Variants in NEB observed in about 807,000 individuals in gnomAD.
NEB encodes nemaline myopathy type 2.
Under a neutral mutation model 952.2 loss-of-function variants are expected in NEB, and 512 were observed. The observed-to-expected ratio is 0.54, with a 90% CI of 0.50 to 0.58. NEB has a LOEUF of 0.58. Ranked by LOEUF, NEB falls within the 20% of genes least tolerant of loss-of-function variation. The pLI is 0.00. For missense variants in NEB, 8,428 were observed against 9,231.1 expected, an observed-to-expected ratio of 0.91 and a Z score of 3.56; for synonymous variants, 2,900 against 3,149.8, an observed-to-expected ratio of 0.92 and a Z score of 2.66.
Position 151,513,672 on chromosome 2 carries a change from C to G in NEB, c.23149G>C (p.Glu7717Gln), listed in dbSNP as rs766321668. ...AGGCCTCTTCCTTTGACTTCCAGTT[C>G]CAGGTCTCGCTTATATTCTTTCTAT... Reference protein sequence around the residue: ...LNEKEYKRDLELEVKGRGLNA... With the variant: ...LNEKEYKRDLQLEVKGRGLNA... Residue 7717 changes from glutamate (E) to glutamine (Q), a missense_variant, in exon 160 of 182, where the codon GAA becomes CAA. Glu to Gln is a conservative substitution (Grantham distance 29). Coordinates refer to ENST00000397345, the MANE Select transcript of NEB (RefSeq NM_001164508.2). 161 of 1,604,370 alleles carry G rather than the reference C, an allele frequency of 1.0e-4. 1 individual carries two copies. Among genetic ancestry groups the G allele is most frequent in the Non-Finnish European group, 1.3e-4 (157 of 1,174,946 alleles).
chr2:151,660,634 C>T (rs1433123645), intron 46 of NEB, among the ~76,000 whole-genome samples: 1 of 152,172 alleles, frequency 6.6e-6, no homozygotes, highest in Non-Finnish European at 1.5e-5. Flanking sequence ...TCTGTATAGA[C>T]AGAAATTCCT....
intron 130 of NEB, among the ~76,000 whole-genome samples, chr2:151,549,167 T>G (rs940692214): frequency 2.0e-5 from 3 of 152,206 alleles, no homozygotes; most frequent in Non-Finnish European, 4.4e-5. Context: ...AGTAGTGAGC[T>G]AAATATCAGC....
At chr2:151,681,637 T>G (rs1278295386) in intron 29 of NEB, among the ~76,000 whole-genome samples, 1 of 152,168 alleles carries the variant, frequency 6.6e-6, no homozygotes, top group East Asian at 1.9e-4. Flanking sequence ...AAGTAAAACT[T>G]GAGCGTGGAA....
intron 168 of NEB, among the ~76,000 whole-genome samples, chr2:151,500,754 C>A (rs79487307): frequency 6.6e-6 from 1 of 151,930 alleles, no homozygotes; most frequent in Non-Finnish European, 1.5e-5. Context: ...TGTGCCACCA[C>A]GCTTGGCTAA....
At chr2:151,708,866 T>A (rs1037697788) in intron 12 of NEB, among the ~76,000 whole-genome samples, 2 of 152,322 alleles carry the variant, frequency 1.3e-5, no homozygotes, top group Admixed American at 6.5e-5. Context: ...ATCCAATCCA[T>A]CAGCAAATCA....
intron 162 of NEB, among the ~76,000 whole-genome samples, chr2:151,507,433 T>A (rs1288180540): frequency 6.6e-6 from 1 of 152,160 alleles, no homozygotes; most frequent in Admixed American, 6.5e-5. Context: ...CTGAAGCAGA[T>A]AATAATTATC....
In NEB at chr2:151,518,386, G is replaced by A; in HGVS notation, c.22732C>T (p.His7578Tyr). The change falls in exon 156 of 182, where the codon CAC becomes TAC. Residue 7578 changes from histidine to tyrosine, a missense_variant. Physicochemically the swap from His to Tyr is moderately conservative, Grantham distance 83. Around this residue, in one of 11 missense-constraint regions of NEB, gnomAD observed 3,374 missense variants for 3,651.5 expected, o/e 0.92. Coordinates refer to ENST00000397345, the MANE Select transcript of NEB (RefSeq NM_001164508.2). ...YKKKYEKSKGHYHTIPDNLEQ... is the reference protein window; with the variant it reads ...YKKKYEKSKGYYHTIPDNLEQ... ...AGATTATCGGGTATGGTGTGGTAGT[G>A]GCCTTTACTCTTCTCATACTTCTTC... is the stretch of plus-strand genomic sequence containing the variant. The A allele has an allele frequency of 6.2e-7, 1 of 1,612,024 alleles. No individual in the cohort carries two copies. Among genetic ancestry groups the A allele is most frequent in the Non-Finnish European group, 8.5e-7 (1 of 1,178,242 alleles).
intron 13 of NEB, among the ~76,000 whole-genome samples, chr2:151,700,615 T>C (rs1241962140): frequency 1.0e-4 from 6 of 59,916 alleles, no homozygotes; most frequent in African/African-American, 2.5e-4. Flanking sequence ...TATTTTATTC[T>C]CTTTGAAGCA....
intron 153 of NEB, 64 bp downstream of exon 153, chr2:151,524,244 ACTT>A (rs1450783179): frequency 5.8e-5 from 78 of 1,334,224 alleles, no homozygotes; most frequent in Admixed American, 2.2e-4. Flanking sequence ...TCTGGAAATC[ACTT>A]CTTCCTGCAA....
At chr2:151,717,301 A>G in intron 10 of NEB, 115 bp downstream of exon 10, 1 of 752,952 alleles carries the variant, frequency 1.3e-6, no homozygotes, top group Non-Finnish European at 2.4e-6. Context: ...ATATGTAAAA[A>G]TACTCCTAGT....
At chr2:151,640,278 C>T (rs1018068619) in intron 61 of NEB, 77 bp downstream of exon 61, 139 of 1,568,802 alleles carry the variant, frequency 8.9e-5, no homozygotes, top group Admixed American at 1.6e-4. Context: ...TGAGCTTGTG[C>T]CATATATTGC....
chr2:151,732,267 T>C lies in NEB; in HGVS notation c.36+854A>G, dbSNP rs113664554. On this transcript the variant is annotated intron_variant, in intron 3 of 181. Transcript: ENST00000397345. ...ATTCATGGCACTGTATTTATGTGCA[T>C]TATAGTTCCAAGCCTTTAGATTTTA... Among the ~76,000 whole-genome samples the C allele has an allele frequency of 5.0e-3, 754 of 152,312 alleles. 7 individuals are homozygous for C. The highest frequency in any genetic ancestry group is 0.017 in the African/African-American group (704 of 41,572).
Position 151,525,951 on chromosome 2 carries a change from C to T in NEB, c.22161+7G>A, listed in dbSNP as rs1019461241. 1 of 1,609,608 alleles carries T rather than the reference C, an allele frequency of 6.2e-7. No homozygotes were observed. The highest frequency in any genetic ancestry group is 8.5e-7 in the Non-Finnish European group (1 of 1,175,908). ...TGCTGCCAAGAGACCGGTGGTTGAT[C>T]ACTTACATCACTGACATGCTTGGTC... On this transcript the variant is annotated splice_region_variant and intron_variant, in intron 150 of 181. Transcript: ENST00000397345.
At position 151,501,441 on chromosome 2, in the gene NEB, CAGGT is replaced by C. The variant is rs756384471; in HGVS notation, c.23967_23970del (p.Pro7990SerfsTer154). ...TTGACTCGCTCCATCTCAGGAGTGA[CAGGT>C]AGGGGAGTCCCCTTGCTCAAGTTCT... is the stretch of plus-strand genomic sequence containing the variant. On this transcript the variant is annotated frameshift_variant, in exon 168 of 182. Transcript: ENST00000397345. LOFTEE classifies it high-confidence loss of function. 1.4e-5 allele frequency: 21 copies of C among 1,543,120 alleles called. No individual in the cohort carries two copies. The African/African-American group carries it at 2.1e-4, about 15-fold the overall frequency.
At chr2:151,615,754 C>A (rs1331468809) in intron 76 of NEB, 3 of 349,824 alleles carry the variant, frequency 8.6e-6, no homozygotes, top group Non-Finnish European at 1.0e-5. Context: ...AAATATGAAC[C>A]CATTTTTGGT....
chr2:151,650,391 C>G lies in NEB; in HGVS notation c.7228-12G>C. On this transcript the variant is annotated splice_polypyrimidine_tract_variant and intron_variant, in intron 53 of 181. Coordinates refer to ENST00000397345, the MANE Select transcript of NEB (RefSeq NM_001164508.2). Reference sequence around the variant, plus strand: ...GATTTATATAGATTCTGTGAAAAGACAGAGCAAGCCATCAAAATCCCATTC... The same window carrying G: ...GATTTATATAGATTCTGTGAAAAGAGAGAGCAAGCCATCAAAATCCCATTC... 1 of 1,610,564 alleles carries G rather than the reference C, an allele frequency of 6.2e-7. No individual in the cohort carries two copies. Among genetic ancestry groups the G allele is most frequent in the Non-Finnish European group, 8.5e-7 (1 of 1,176,968 alleles).
intron 13 of NEB, 33 bp from the exon 14 acceptor site, chr2:151,697,681 T>C: frequency 7.3e-7 from 1 of 1,370,256 alleles, no homozygotes; most frequent in Non-Finnish European, 1.0e-6. Context: ...TTAAAGTAGA[T>C]TCCTGTCACT....
chr2:151,707,074 C>A (rs78867421), intron 12 of NEB, 77 bp from the exon 13 acceptor site: 2 of 857,434 alleles, frequency 2.3e-6, no homozygotes, highest in Non-Finnish European at 3.6e-6. Flanking sequence ...ATATGACATA[C>A]TTCCACAAAT....
chr2:151,642,485 C>T, intron 60 of NEB, 89 bp downstream of exon 60: 1 of 1,093,770 alleles, frequency 9.1e-7, no homozygotes, highest in South Asian at 1.6e-5. Context: ...GCTTTAACCT[C>T]ATGGCTTACT....
Sources: allele counts gnomAD v4.1 joint callset (sites outside exome capture counted in the v4.1 genomes callset), GRCh38; gene constraint gnomAD v4.1.1; regional missense constraint gnomAD v4.1.1; transcripts MANE v1.5; gene names NCBI Gene and HGNC (gene_info 2026-07-23, HGNC 2026-07-21).